Variants in RYR1 observed in about 807,000 individuals in gnomAD.
RYR1 encodes ryanodine receptor 1.
A neutral mutation model predicts 583.5 loss-of-function variants in RYR1; 342 were observed. The ratio of observed to expected loss-of-function variants is 0.59; its 90% CI spans 0.54 to 0.64. The LOEUF is 0.64. Among genes scored for constraint, RYR1 ranks in the 30% least tolerant of loss-of-function variants. The pLI is 0.00. For synonymous variants in RYR1, 2,791 were observed against 2,822.5 expected, an observed-to-expected ratio of 0.99 and a Z score of 0.35; for missense variants, 6,032 against 6,917.2, an observed-to-expected ratio of 0.87 and a Z score of 4.54.
rs756915119 is a variant in RYR1 at position 38,519,471 on chromosome 19, T to C, written c.10259+17T>C. 3.3e-5 allele frequency: 52 copies of C among 1,582,326 alleles called. No individual in the cohort carries two copies. Among genetic ancestry groups the C allele is most frequent in the Non-Finnish European group, 4.2e-5 (49 of 1,165,530 alleles). ...CAACAACAGGTCAGCGGGGCCCCGC[T>C]GTCCCCATGCCCTCCGCCCCGACCT... On this transcript the variant is annotated intron_variant, in intron 67 of 105. Transcript: ENST00000359596.
chr19:38,566,986 G>C lies in RYR1; in HGVS notation c.13513G>C (p.Asp4505His), dbSNP rs150396398. The C allele has an allele frequency of 5.3e-3, 8,508 of 1,591,128 alleles. 23 individuals are homozygous for C. The highest frequency in any genetic ancestry group is 6.5e-3 in the Non-Finnish European group (7,595 of 1,168,594). Reference sequence around the variant, plus strand: ...ACCAGAGCTGGAGCCGGAGAAAGCCGAGTGAGTGGCCTTGGGGCTGAGGGG... The same window carrying C: ...ACCAGAGCTGGAGCCGGAGAAAGCCCAGTGAGTGGCCTTGGGGCTGAGGGG... ...PEPELEPEKA[D>H]AENGEKEEVP... The change falls in exon 92 of 106, where the codon GAT (aspartate) becomes CAT (histidine). Residue 4505 changes from aspartate to histidine, a missense_variant and splice_region_variant. This residue lies in a region of RYR1 where 753 missense variants were observed against 759.6 expected (regional missense o/e 0.99). Coordinates refer to ENST00000359596, the MANE Select transcript of RYR1 (RefSeq NM_000540.3).
At chr19:38,465,543 T>A (rs1466108868) in intron 23 of RYR1, among the ~76,000 whole-genome samples, 1 of 151,878 alleles carries the variant, frequency 6.6e-6, no homozygotes. Flanking sequence ...GGCGGGCGGA[T>A]CACCTGAGGT....
At chr19:38,451,705 T>G in intron 11 of RYR1, 59 bp from the exon 12 acceptor site, 2 of 1,610,110 alleles carry the variant, frequency 1.2e-6, no homozygotes, top group Non-Finnish European at 1.7e-6. Context: ...GACAGACGTC[T>G]TGGGGGCATG....
At chr19:38,515,265 C>G (rs1970911859) in intron 64 of RYR1, among the ~76,000 whole-genome samples, 158 bp downstream of exon 64, 1 of 152,160 alleles carries the variant, frequency 6.6e-6, no homozygotes, top group Non-Finnish European at 1.5e-5. Flanking sequence ...CGTGAGGGCG[C>G]TCAGGGACAG....
At chr19:38,460,253 G>C in intron 19 of RYR1, 122 bp from the exon 20 acceptor site, 2 of 868,926 alleles carry the variant, frequency 2.3e-6, no homozygotes, top group Non-Finnish European at 3.9e-6. Context: ...ATGACTGCCC[G>C]GTGACCTTTG....
At position 38,577,931 on chromosome 19, in the gene RYR1, A is replaced by T; in HGVS notation, c.14186A>T (p.His4729Leu). 6.2e-7 allele frequency: 1 copy of T among 1,614,086 alleles called. No homozygotes were observed. Among genetic ancestry groups the T allele is most frequent in the Non-Finnish European group, 8.5e-7 (1 of 1,180,022 alleles). The change falls in exon 98 of 106, where the codon CAT (histidine) becomes CTT (leucine). Residue 4729 changes from histidine (H) to leucine (L), a missense_variant. Coordinates refer to ENST00000359596, the MANE Select transcript of RYR1 (RefSeq NM_000540.3). ...KFVKRKVLDKHGDIYGRERIA... is the reference protein window; with the variant it reads ...KFVKRKVLDKLGDIYGRERIA... ...TCTCTTGTGCAGGTCCTGGACAAAC[A>T]TGGGGACATCTACGGGCGGGAGCGG...
At chr19:38,510,454 C>T (rs1970676521) in intron 58 of RYR1, 44 bp from the exon 59 acceptor site, 2 of 1,606,850 alleles carry the variant, frequency 1.2e-6, no homozygotes, top group African/African-American at 1.3e-5. Context: ...CCCTGGGTTC[C>T]CCAGCCTTGA....
Position 38,460,463 on chromosome 19 carries a change from C to G in RYR1, c.2449C>G (p.Arg817Gly), listed in dbSNP as rs150633775. The change falls in exon 20 of 106, where the codon CGA becomes GGA. Residue 817 changes from arginine (R) to glycine (G), a missense_variant. Physicochemically the swap from Arg to Gly is moderately radical, Grantham distance 125. Coordinates refer to ENST00000359596, the MANE Select transcript of RYR1 (RefSeq NM_000540.3). ...YAPCHEAVLPRERLHLEPIKE... is the reference protein window; with the variant it reads ...YAPCHEAVLPGERLHLEPIKE... ...TCCATGCCATGAGGCTGTGCTCCCT[C>G]GAGAGCGACTCCATCTTGAACCCAT... The G allele has an allele frequency of 1.2e-6, 2 of 1,614,226 alleles. No homozygotes were observed. Among genetic ancestry groups the G allele is most frequent in the South Asian group, 2.2e-5 (2 of 91,084 alleles).
At chr19:38,502,063 A>G (rs1970146701) in intron 47 of RYR1, among the ~76,000 whole-genome samples, 1 of 151,802 alleles carries the variant, frequency 6.6e-6, no homozygotes, top group Non-Finnish European at 1.5e-5. Flanking sequence ...AGGCTGAGGC[A>G]GGAGGATCAC....
rs77641258 is a variant in RYR1, at chr19:38,500,368, G to A, written c.7324-238G>A. On this transcript the variant is annotated intron_variant, in intron 45 of 105. Coordinates refer to ENST00000359596, the MANE Select transcript of RYR1 (RefSeq NM_000540.3). The surrounding 1 kb of genome is among the most constrained non-coding windows in gnomAD (Gnocchi z 5.9). ...GGATGGGGTCACAGGGATAGGGGTC[G>A]GGGCCAGGATGAGGGGTCGCAGGGA... Among the ~76,000 whole-genome samples the A allele has an allele frequency of 7.1e-3, 1,060 of 149,318 alleles. 29 individuals carry two copies. The highest frequency in any genetic ancestry group is 0.064 in the East Asian group (320 of 4,972).
chr19:38,497,421 T>G (rs1308319034), intron 42 of RYR1, among the ~76,000 whole-genome samples: 2 of 152,078 alleles, frequency 1.3e-5, no homozygotes, highest in Non-Finnish European at 2.9e-5. Flanking sequence ...CTTCAGCAAC[T>G]TTGCTTCTGC....
rs140939359 is a variant in RYR1 at position 38,464,577 on chromosome 19, G to A, written c.2787-62G>A. 3.7e-5 allele frequency: 52 copies of A among 1,421,452 alleles called. No individual in the cohort carries two copies. The African/African-American group carries it at 6.1e-4, about 17-fold the overall frequency. 88.1% of individuals were successfully genotyped at this position (1,421,452 alleles called of 1,614,324 possible). A position where few individuals can be genotyped will look rare whatever the true frequency, so the allele number is the denominator to read the frequency against. On this transcript the variant is annotated intron_variant, in intron 22 of 105. Coordinates refer to ENST00000359596, the MANE Select transcript of RYR1 (RefSeq NM_000540.3). ...GGAGCTGGAGACCCTGAGGCCGTGGGAGGAGACGGGGCAGGGAGCTCTGAG... is the reference window on the plus strand; with the variant it reads ...GGAGCTGGAGACCCTGAGGCCGTGGAAGGAGACGGGGCAGGGAGCTCTGAG...
At chr19:38,531,131 G>A (rs1025529309) in intron 76 of RYR1, among the ~76,000 whole-genome samples, 1 of 151,910 alleles carries the variant, frequency 6.6e-6, no homozygotes, top group Non-Finnish European at 1.5e-5. Context: ...ACCGCGCCCA[G>A]CCTTCTTTGG....
rs765521639 is a variant in RYR1 at position 38,490,110 on chromosome 19, A to T, written c.5849A>T (p.Glu1950Val). 6.2e-6 allele frequency: 10 copies of T among 1,614,198 alleles called. No homozygotes were observed. Among genetic ancestry groups the T allele is most frequent in the Non-Finnish European group, 8.5e-6 (10 of 1,180,042 alleles). Residue 1950 changes from glutamate to valine, a missense_variant, in exon 36 of 106, where the codon GAG becomes GTG. Around this residue, in one of 11 missense-constraint regions of RYR1, gnomAD observed 2,627 missense variants for 2,961.3 expected, o/e 0.89. Transcript: ENST00000359596. Reference protein sequence around the residue: ...CHLLEYFCDQELQHRVESLAA... With the variant: ...CHLLEYFCDQVLQHRVESLAA... ...CTGCTGGAGTATTTCTGTGACCAAGAGCTGCAGCACCGTGTGGAGTCCCTG... is the reference window on the plus strand; with the variant it reads ...CTGCTGGAGTATTTCTGTGACCAAGTGCTGCAGCACCGTGTGGAGTCCCTG...
rs780410435 is a variant in RYR1 at position 38,561,219 on chromosome 19, G to C, written c.12389G>C (p.Arg4130Pro). 3 of 1,614,076 alleles carry C rather than the reference G, an allele frequency of 1.9e-6. No individual in the cohort carries two copies. The South Asian group carries it at 3.3e-5, about 18-fold the overall frequency. ...EMINCEEFAN[R>P]FQEPARDIGF... ...ATCAACTGCGAAGAGTTCGCCAACC[G>C]CTTCCAGGAGCCAGCACGCGACATC... The change falls in exon 90 of 106, where the codon CGC becomes CCC. Residue 4130 changes from arginine (R) to proline (P), a missense_variant. Transcript: ENST00000359596. This position sits in a 1 kb window ranked among gnomAD's most constrained non-coding sequence, Gnocchi z 4.8.
At chr19:38,437,203 A>G (rs1972466691) in intron 1 of RYR1, among the ~76,000 whole-genome samples, 1 of 151,860 alleles carries the variant, frequency 6.6e-6, no homozygotes, top group Non-Finnish European at 1.5e-5. Flanking sequence ...GGCATGCACC[A>G]CTACGCCCGG....
At chr19:38,528,574 G>C in intron 74 of RYR1, 25 bp from the exon 75 acceptor site, 1 of 1,613,380 alleles carries the variant, frequency 6.2e-7, no homozygotes, top group African/African-American at 1.3e-5. Flanking sequence ...GCGCGTCCCA[G>C]TGACGTCACA....
intron 2 of RYR1, among the ~76,000 whole-genome samples, chr19:38,441,531 G>A (rs989422260): frequency 6.6e-6 from 1 of 151,224 alleles, no homozygotes; most frequent in African/African-American, 2.4e-5. Context: ...AATTCTGAGG[G>A]TGGGGGCAGC....
chr19:38,486,200 C>G lies in RYR1; in HGVS notation c.5545C>G (p.Leu1849Val). 6.2e-7 allele frequency: 1 copy of G among 1,612,848 alleles called. No individual in the cohort carries two copies. Among genetic ancestry groups the G allele is most frequent in the Non-Finnish European group, 8.5e-7 (1 of 1,179,954 alleles). The change falls in exon 34 of 106, where the codon CTG (leucine) becomes GTG (valine). Residue 1849 changes from leucine (L) to valine (V), a missense_variant and splice_region_variant. By Grantham distance (32) the Leu-to-Val change is conservative. This residue lies in a region of RYR1 where 2,627 missense variants were observed against 2,961.3 expected (regional missense o/e 0.89). Coordinates refer to ENST00000359596, the MANE Select transcript of RYR1 (RefSeq NM_000540.3). ...VPVLKLVSTLLVMGIFGDEDV... is the reference protein window; with the variant it reads ...VPVLKLVSTLVVMGIFGDEDV... ...TGTGCTCAAGCTCGTGTCCACCCTG[C>G]TGGTAATGGCTTCCTCCTGCTTTCC...
Sources: allele counts gnomAD v4.1 joint callset (sites outside exome capture counted in the v4.1 genomes callset), GRCh38; gene constraint gnomAD v4.1.1; regional missense constraint gnomAD v4.1.1; non-coding constraint Gnocchi (gnomAD v3.1); transcripts MANE v1.5; gene names NCBI Gene and HGNC (gene_info 2026-07-23, HGNC 2026-07-21).